Variants in SYNE1 observed in about 807,000 individuals in gnomAD.
SYNE1 encodes nesprin-1.
A neutral mutation model predicts 1,111.0 loss-of-function variants in SYNE1; 616 were observed. That is an observed-to-expected ratio of 0.55 (90% CI 0.52 to 0.59). The LOEUF (loss-of-function observed/expected upper bound fraction) is 0.59. SYNE1 is among the 20% of genes least tolerant of loss of function. The pLI is 0.00. For missense variants in SYNE1, 10,006 were observed against 10,417.0 expected (o/e 0.96, Z 1.72); for synonymous variants, 3,855 against 3,825.8 (o/e 1.01, Z -0.28).
rs1284635092 is a variant in SYNE1, at chr6:152,135,163, C to G, written c.25729G>C (p.Val8577Leu). 6.2e-7 allele frequency: 1 copy of G among 1,613,958 alleles called. No homozygotes were observed. The highest frequency in any genetic ancestry group is 1.7e-5 in the Admixed American group (1 of 59,998). Residue 8577 changes from valine to leucine, a missense_variant, in exon 142 of 146, where the codon GTC becomes CTC. This residue lies in a region of SYNE1 where 761 missense variants were observed against 795.5 expected (regional missense o/e 0.96). Transcript: ENST00000367255. ...ENIDRRKNEI[V>L]PIDSNLDAEI... ...GCATCAAGGTTAGAATCAATAGGGACAATTTCATTTTTCCTTCTGTCAATG... is the reference window on the plus strand; with the variant it reads ...GCATCAAGGTTAGAATCAATAGGGAGAATTTCATTTTTCCTTCTGTCAATG...
intron 42 of SYNE1, among the ~76,000 whole-genome samples, chr6:152,412,423 CAAA>C (rs1168538010): frequency 1.4e-5 from 1 of 72,558 alleles, no homozygotes; most frequent in Non-Finnish European, 3.0e-5. Context: ...GACTCCGTCT[CAAA>C]AAAAAAAAAA....
At chr6:152,561,972 G>A (rs553905274) in intron 3 of SYNE1, among the ~76,000 whole-genome samples, 1 of 152,146 alleles carries the variant, frequency 6.6e-6, no homozygotes, top group East Asian at 1.9e-4. Flanking sequence ...AGAAAACATG[G>A]GCAAAATAGC....
chr6:152,369,465 C>G lies in SYNE1; in HGVS notation c.9651+6G>C. On this transcript the variant is annotated splice_donor_region_variant and intron_variant, in intron 60 of 145. Transcript: ENST00000367255. ...AGATGGGGCTACGGGGAGGCGGGCT[C>G]ATCACCTGGAGCTTCTGCTGCTCCC... The G allele has an allele frequency of 6.2e-7, 1 of 1,614,138 alleles. No individual in the cohort carries two copies.
At chr6:152,606,651 G>GTTTGTTTT (rs1555002304) in intron 3 of SYNE1, among the ~76,000 whole-genome samples, 3 of 151,782 alleles carry the variant, frequency 2.0e-5, no homozygotes, top group East Asian at 1.9e-4. Context: ...TTTTTTGTTT[G>GTTTGTTTT]TTTGTTTGTT....
Position 152,330,864 on chromosome 6 carries a change from G to A in SYNE1, c.13821C>T (p.Asn4607=), listed in dbSNP as rs897622148. The change falls in exon 78 of 146, where the codon AAC becomes AAT. Residue 4607 remains asparagine (N), a synonymous_variant. Transcript: ENST00000367255. ...CATATTCTGGAGATTGTTCAAGAAT[G>A]TTTTGGTATTTAGCCAGTTGTGTAT... The part of the protein sequence containing the change: ...ELHTQLAKYQ[N]ILEQSPEYEN... 1.2e-6 allele frequency: 2 copies of A among 1,614,004 alleles called. No homozygotes were observed. The highest frequency in any genetic ancestry group is 1.7e-5 in the Admixed American group (1 of 60,014).
chr6:152,579,526 T>C (rs557237933), intron 3 of SYNE1, among the ~76,000 whole-genome samples: 1 of 152,200 alleles, frequency 6.6e-6, no homozygotes, highest in Non-Finnish European at 1.5e-5. Context: ...TCTTTCCAAC[T>C]TTTATTTTAG....
Position 152,416,873 on chromosome 6 carries a change from T to A in SYNE1, c.5564A>T (p.Glu1855Val), listed in dbSNP as rs764590049. ...CCGCCTCTCCACAACCTGGCTGGCCTCCTCAAACAGCTGGAAGCAGTCCTC... is the reference window on the plus strand; with the variant it reads ...CCGCCTCTCCACAACCTGGCTGGCCACCTCAAACAGCTGGAAGCAGTCCTC... ...KAEDCFQLFEEASQVVERRQL... is the reference protein window; with the variant it reads ...KAEDCFQLFEVASQVVERRQL... The change falls in exon 41 of 146, where the codon GAG becomes GTG. Residue 1855 changes from glutamate to valine, a missense_variant. By Grantham distance (121) the Glu-to-Val change is moderately radical. This residue lies in a region of SYNE1 where 4,955 missense variants were observed against 5,017.2 expected (regional missense o/e 0.99). Transcript: ENST00000367255. The A allele has an allele frequency of 2.5e-6, 4 of 1,613,774 alleles. No homozygotes were observed. The East Asian group carries it at 8.9e-5, about 36-fold the overall frequency.
intron 109 of SYNE1, among the ~76,000 whole-genome samples, 189 bp from the exon 110 acceptor site, chr6:152,236,492 T>C (rs1325295792): frequency 2.0e-5 from 3 of 151,298 alleles, no homozygotes; most frequent in African/African-American, 7.3e-5. Flanking sequence ...CCTTTTGTTG[T>C]TTATTATTTT....
At chr6:152,345,062 G>A (rs1164110575) in intron 73 of SYNE1, among the ~76,000 whole-genome samples, 1 of 152,040 alleles carries the variant, frequency 6.6e-6, no homozygotes, top group South Asian at 2.1e-4. Flanking sequence ...CTGACATTGG[G>A]TTTATCCCTT....
chr6:152,540,612 G>A (rs867268780), intron 3 of SYNE1, among the ~76,000 whole-genome samples: 1 of 152,250 alleles, frequency 6.6e-6, no homozygotes. Flanking sequence ...GGTAGAACCT[G>A]TGATTTGTGT....
intron 130 of SYNE1, among the ~76,000 whole-genome samples, chr6:152,168,809 A>G (rs1201547543): frequency 6.6e-6 from 1 of 152,312 alleles, no homozygotes; most frequent in Non-Finnish European, 1.5e-5. Flanking sequence ...AGGAAGAAAT[A>G]TTATTCTCCC....
At position 152,149,542 on chromosome 6, in the gene SYNE1, G is replaced by A. The variant is rs760715690; in HGVS notation, c.24577C>T (p.Arg8193Ter). The A allele has an allele frequency of 1.9e-6, 3 of 1,613,968 alleles. No homozygotes were observed. The highest frequency in any genetic ancestry group is 2.2e-5 in the East Asian group (1 of 44,878). The change falls in exon 136 of 146, where the codon CGA becomes TGA. Residue 8193 changes from arginine to a stop codon, truncating the protein, a stop_gained. Transcript: ENST00000367255. LOFTEE classifies it high-confidence loss of function. The part of the protein sequence containing the change: ...AIIEEELDEL[R>*]RYCQEVFGRV... ...CCGAAGACCTCCTGGCAGTACCGTC[G>A]GAGCTCATCTAGTTCCTCCTCGATG...
chr6:152,210,259 C>G (rs559251587), intron 124 of SYNE1, among the ~76,000 whole-genome samples: 2 of 152,078 alleles, frequency 1.3e-5, no homozygotes, highest in East Asian at 3.9e-4. Flanking sequence ...GTGTATTTTC[C>G]CTAAATGTTA....
chr6:152,283,831 G>A (rs567964099), intron 96 of SYNE1, 147 bp downstream of exon 96: 96 of 751,032 alleles, frequency 1.3e-4, no homozygotes, highest in Admixed American at 1.0e-4. Flanking sequence ...CACCCCTCCC[G>A]GCCGTGGAGA....
chr6:152,130,658 G>C, intron 145 of SYNE1, 62 bp downstream of exon 145: 2 of 1,584,936 alleles, frequency 1.3e-6, no homozygotes, highest in Non-Finnish European at 1.7e-6. Context: ...CCTAAGTCAT[G>C]GACAATTTTC....
At chr6:152,303,098 CTTTTT>C (rs71017533) in intron 91 of SYNE1, among the ~76,000 whole-genome samples, 1 of 107,086 alleles carries the variant, frequency 9.3e-6, no homozygotes, top group African/African-American at 3.7e-5. Context: ...AACTATTATT[CTTTTT>C]TTTTTTTTTT....
At chr6:152,495,815 C>G (rs989336914) in intron 11 of SYNE1, among the ~76,000 whole-genome samples, 11 of 152,190 alleles carry the variant, frequency 7.2e-5, no homozygotes, top group Admixed American at 2.0e-4. Flanking sequence ...GGATAAGAAC[C>G]CCTTCCCGTC....
rs770619367 is a variant in SYNE1 at position 152,390,483 on chromosome 6, G to A, written c.8005-31C>T. The A allele has an allele frequency of 2.8e-5, 45 of 1,611,260 alleles. 1 individual carries two copies. In the Admixed American group the frequency reaches 7.0e-4, roughly 25 times the overall value. On this transcript the variant is annotated intron_variant, in intron 52 of 145. Transcript: ENST00000367255. Reference sequence around the variant, plus strand: ...AAGGAAGAAAGAATACTCATCAGTAGGCATGTAAAAACCTTCTTCTATTTT... The same window carrying A: ...AAGGAAGAAAGAATACTCATCAGTAAGCATGTAAAAACCTTCTTCTATTTT...
intron 10 of SYNE1, among the ~76,000 whole-genome samples, chr6:152,499,441 C>A (rs1009279160): frequency 6.6e-6 from 1 of 151,744 alleles, no homozygotes; most frequent in Admixed American, 6.6e-5. Flanking sequence ...ATACTTAATT[C>A]AAATAAAATC....
Sources: gnomAD v4.1 joint callset for allele counts (sites outside exome capture counted in the v4.1 genomes callset) on GRCh38, gnomAD v4.1.1 for gene constraint, gnomAD v4.1.1 regional missense constraint, MANE v1.5 for transcripts, NCBI Gene and HGNC (gene_info 2026-07-23, HGNC 2026-07-21) for gene names.